BICD2: variants seen among roughly 807,000 people sequenced by gnomAD.
BICD2 encodes BICD cargo adaptor 2.
A neutral mutation model predicts 72.9 loss-of-function variants in BICD2; 25 were observed. The ratio of observed to expected loss-of-function variants is 0.34; its 90% confidence interval spans 0.25 to 0.48. The LOEUF (loss-of-function observed/expected upper bound fraction) is 0.48, where lower values mean the gene tolerates loss of function less well. Among genes scored for constraint, BICD2 ranks in the 20% least tolerant of loss-of-function variants. The pLI is 0.99. For missense variants in BICD2, 894 were observed against 1,175.2 expected (o/e 0.76, Z 3.50); for synonymous variants, 501 against 516.1 (o/e 0.97, Z 0.40).
intron 1 of BICD2, among the ~76,000 whole-genome samples, chr9:92,740,767 C>A (rs958616732): frequency 8.5e-5 from 13 of 152,100 alleles, no homozygotes; most frequent in African/African-American, 3.1e-4. Flanking sequence ...AAAGTACATA[C>A]CCCAAAACCA....
At position 92,719,666 on chromosome 9, in the gene BICD2, A is replaced by G. The variant is rs1853418431; in HGVS notation, c.1063-84T>C. ...AGGACCCCCAAGATGGCCTAGTGACATCCCACCCCATGTCAGGGCAGGCTG... is the reference window on the plus strand; with the variant it reads ...AGGACCCCCAAGATGGCCTAGTGACGTCCCACCCCATGTCAGGGCAGGCTG... On this transcript the variant is annotated intron_variant, in intron 4 of 6. Transcript: ENST00000356884. 31 of 1,395,444 alleles carry G rather than the reference A, an allele frequency of 2.2e-5. No individual in the cohort carries two copies. The South Asian group carries it at 4.3e-4, about 19-fold the overall frequency. 86.4% of individuals were successfully genotyped at this position (1,395,444 alleles called of 1,614,324 possible).
chr9:92,752,911 T>C (rs1297472231), intron 1 of BICD2, among the ~76,000 whole-genome samples: 1 of 152,180 alleles, frequency 6.6e-6, no homozygotes, highest in Non-Finnish European at 1.5e-5. Flanking sequence ...CCTACTCAAG[T>C]ATGGGTTATG....
In BICD2 at chr9:92,764,440, C is replaced by G; in HGVS notation, c.240+65G>C. On this transcript the variant is annotated intron_variant, in intron 1 of 6. Coordinates refer to ENST00000356884, the MANE Select transcript of BICD2 (RefSeq NM_001003800.2). The surrounding 1 kb of genome is among the most constrained non-coding windows in gnomAD (Gnocchi z 5.5). ...CAAGCTGACCTTGGCCGCCCTGGTGCCAGGGACGACGCCCACAGGCCCCGG... is the reference window on the plus strand; with the variant it reads ...CAAGCTGACCTTGGCCGCCCTGGTGGCAGGGACGACGCCCACAGGCCCCGG... 2 of 1,413,986 alleles carry G rather than the reference C, an allele frequency of 1.4e-6. No homozygotes were observed. Among genetic ancestry groups the G allele is most frequent in the African/African-American group, 3.0e-5 (2 of 66,902 alleles). 87.6% of individuals were successfully genotyped at this position (1,413,986 alleles called of 1,614,324 possible).
intron 2 of BICD2, among the ~76,000 whole-genome samples, chr9:92,727,745 C>G (rs549110455): frequency 2.7e-4 from 41 of 151,718 alleles, no homozygotes; most frequent in Non-Finnish European, 1.8e-4. Flanking sequence ...TTTGTCCCCA[C>G]AGCCCACTCC....
rs368261732 is a variant in BICD2, at chr9:92,754,015, G to A, written c.240+10490C>T. ...AAAAAATTAGCCGGGCATGGTGGCG[G>A]GTGCCTGTAGTCGGAGCTACTCGGG... On this transcript the variant is annotated intron_variant, in intron 1 of 6. Coordinates refer to ENST00000356884, the MANE Select transcript of BICD2 (RefSeq NM_001003800.2). 3.9e-5 allele frequency among the ~76,000 whole-genome samples: 6 copies of A among 151,906 alleles called. No homozygotes were observed. In the South Asian group the frequency reaches 1.2e-3, roughly 32 times the overall value.
intron 1 of BICD2, among the ~76,000 whole-genome samples, chr9:92,753,825 C>T (rs1173582769): frequency 6.6e-6 from 1 of 151,888 alleles, no homozygotes; most frequent in African/African-American, 2.4e-5. Context: ...AGGCGTGAGC[C>T]ACCGTGCCCG....
Position 92,715,176 on chromosome 9 carries a change from T to C in BICD2, c.2546A>G (p.Lys849Arg), listed in dbSNP as rs1380033234. Residue 849 changes from lysine to arginine, a missense_variant, in exon 7 of 7, where the codon AAG (lysine) becomes AGG (arginine). Lys to Arg is a conservative substitution (Grantham distance 26, BLOSUM62 2). Transcript: ENST00000356884. The stretch of plus-strand genomic sequence containing the variant: ...CCCCTAATCACAGTAAATGCTGTGC[T>C]TCTCGCTGCAGAACACCTGGTTGGC... ...GLANQVFCSE[K>R]HSIYCD The C allele has an allele frequency of 6.2e-7, 1 of 1,601,270 alleles. No individual in the cohort carries two copies. The highest frequency in any genetic ancestry group is 1.1e-5 in the South Asian group (1 of 90,102).
chr9:92,759,980 G>T (rs184493437), intron 1 of BICD2, among the ~76,000 whole-genome samples: 269 of 152,282 alleles, frequency 1.8e-3, no homozygotes, highest in Admixed American at 3.7e-3. Flanking sequence ...AGACACAAGG[G>T]CACAGGGACA....
intron 2 of BICD2, among the ~76,000 whole-genome samples, chr9:92,727,836 C>T (rs531925921): frequency 6.6e-6 from 1 of 152,342 alleles, no homozygotes; most frequent in South Asian, 2.1e-4. Flanking sequence ...TGACACTCCT[C>T]CTGCCCTTGG....
rs753530258 is a variant in BICD2, at chr9:92,718,729, T to C, written c.1916A>G (p.Lys639Arg). 6.2e-7 allele frequency: 1 copy of C among 1,614,134 alleles called. No homozygotes were observed. Among genetic ancestry groups the C allele is most frequent in the Admixed American group, 1.7e-5 (1 of 60,024 alleles). Reference protein sequence around the residue: ...NLIAIIRDQIKHLQAAVDRTT... With the variant: ...NLIAIIRDQIRHLQAAVDRTT... ...GCGGTCCACGGCTGCCTGCAGGTGCTTGATCTGGTCACGGATGATAGCGAT... is the reference window on the plus strand; with the variant it reads ...GCGGTCCACGGCTGCCTGCAGGTGCCTGATCTGGTCACGGATGATAGCGAT... Residue 639 changes from lysine to arginine, a missense_variant, in exon 5 of 7, where the codon AAG (lysine) becomes AGG (arginine). This residue lies in a region of BICD2 where 321 missense variants were observed against 443.9 expected (regional missense o/e 0.72). Coordinates refer to ENST00000356884, the MANE Select transcript of BICD2 (RefSeq NM_001003800.2).
At chr9:92,763,375 G>A (rs1048534745) in intron 1 of BICD2, among the ~76,000 whole-genome samples, 14 of 152,128 alleles carry the variant, frequency 9.2e-5, no homozygotes, top group Admixed American at 2.0e-4. Context: ...AGTGGGGGAA[G>A]GGAGCACACC....
At chr9:92,738,801 A>G (rs1402585771) in intron 1 of BICD2, among the ~76,000 whole-genome samples, 1 of 152,236 alleles carries the variant, frequency 6.6e-6, no homozygotes, top group Non-Finnish European at 1.5e-5. Flanking sequence ...ATACAACAGG[A>G]ACAACACTTG....
rs918677644 is a variant in BICD2, at chr9:92,713,771, C to T, written c.*1383G>A. 17 of 1,279,474 alleles carry T rather than the reference C, an allele frequency of 1.3e-5. No individual in the cohort carries two copies. The African/African-American group carries it at 2.3e-4, about 17-fold the overall frequency. The allele number at this position is 1,279,474 out of a possible 1,614,324, so 79.3% of individuals were successfully genotyped here. ...GGGCCCAGGATGAACACGCAGGGGA[C>T]ATACATGGGCGTGTCCTGGAGTCTG... On this transcript the variant is annotated 3_prime_UTR_variant, in exon 7 of 7. Transcript: ENST00000356884.
chr9:92,752,641 A>G (rs2131531756), intron 1 of BICD2, among the ~76,000 whole-genome samples: 1 of 152,260 alleles, frequency 6.6e-6, no homozygotes, highest in Admixed American at 6.5e-5. Context: ...GTGGTGGCAC[A>G]TGCTACTGGG....
At chr9:92,730,430 T>C (rs745529298) in intron 1 of BICD2, among the ~76,000 whole-genome samples, 1 of 152,110 alleles carries the variant, frequency 6.6e-6, no homozygotes, top group Non-Finnish European at 1.5e-5. Context: ...AGCAGGACAG[T>C]TTCTAATTTC....
chr9:92,753,664 G>C (rs1854195084), intron 1 of BICD2, among the ~76,000 whole-genome samples: 2 of 151,692 alleles, frequency 1.3e-5, no homozygotes, highest in South Asian at 2.1e-4. Flanking sequence ...TCAGCCTCCT[G>C]AGTAGCTGGG....
chr9:92,729,330 A>AT lies in BICD2; in HGVS notation c.241-95_241-94insA. 5 of 1,301,558 alleles carry AT rather than the reference A, an allele frequency of 3.8e-6. No homozygotes were observed. The South Asian group carries it at 6.7e-5, about 18-fold the overall frequency. 80.6% of individuals were successfully genotyped at this position (1,301,558 alleles called of 1,614,324 possible). On this transcript the variant is annotated intron_variant, in intron 1 of 6. Coordinates refer to ENST00000356884, the MANE Select transcript of BICD2 (RefSeq NM_001003800.2). ...ACAGGCGACATTCATGCTGCAGAACAACAGCAACAACAACGGGGACTGTGG... is the reference window on the plus strand; with the variant it reads ...ACAGGCGACATTCATGCTGCAGAACATACAGCAACAACAACGGGGACTGTGG...
chr9:92,731,879 C>T (rs1025207762), intron 1 of BICD2, among the ~76,000 whole-genome samples: 3 of 152,222 alleles, frequency 2.0e-5, no homozygotes, highest in African/African-American at 7.2e-5. Context: ...CCTCCTGATG[C>T]ACAGGCAGCT....
intron 6 of BICD2, 101 bp from the exon 7 acceptor site, chr9:92,715,564 C>T: frequency 8.4e-7 from 1 of 1,194,586 alleles, no homozygotes; most frequent in Middle Eastern, 2.0e-4. Flanking sequence ...AGCCCTATAC[C>T]AGAGCCATCC....
Sources: allele counts gnomAD v4.1 joint callset (sites outside exome capture counted in the v4.1 genomes callset), GRCh38; gene constraint gnomAD v4.1.1; regional missense constraint gnomAD v4.1.1; non-coding constraint Gnocchi (gnomAD v3.1); transcripts MANE v1.5; gene names NCBI Gene and HGNC (gene_info 2026-07-23, HGNC 2026-07-21).